The following SORCS3 variants were observed in gnomAD, a reference collection of about 807,000 sequenced individuals.
SORCS3 encodes sortilin related VPS10 domain containing receptor 3.
Under a neutral mutation model 146.3 loss-of-function variants are expected in SORCS3, and 57 were observed. The ratio of observed to expected loss-of-function variants is 0.39; its 90% confidence interval spans 0.31 to 0.49. The LOEUF (loss-of-function observed/expected upper bound fraction) is 0.49. SORCS3 is among the 20% of genes least tolerant of loss of function. The pLI is 0.92. For synonymous variants in SORCS3, 653 were observed against 618.5 expected (o/e 1.06, Z -0.83); for missense variants, 1,341 against 1,575.5 (o/e 0.85, Z 2.52).
At chr10:105,258,199 A>C (rs2056941956) in intron 25 of SORCS3, among the ~76,000 whole-genome samples, 1 of 152,190 alleles carries the variant, frequency 6.6e-6, no homozygotes, top group Non-Finnish European at 1.5e-5. Context: ...GGACAGAGTG[A>C]GATTCACCTT....
intron 20 of SORCS3, among the ~76,000 whole-genome samples, chr10:105,242,542 T>TTA (rs1456622755): frequency 4.4e-4 from 43 of 97,902 alleles, no homozygotes; most frequent in Admixed American, 1.4e-3. Flanking sequence ...TTATATATAT[T>TTA]TATATATTTA....
intron 1 of SORCS3, among the ~76,000 whole-genome samples, chr10:104,755,663 T>G (rs1054823770): frequency 1.3e-5 from 2 of 152,162 alleles, no homozygotes; most frequent in Non-Finnish European, 2.9e-5. Context: ...GAGAATGGTG[T>G]GAGCAAAAAC....
intron 2 of SORCS3, among the ~76,000 whole-genome samples, chr10:104,872,703 G>A (rs1202385250): frequency 1.3e-5 from 2 of 151,856 alleles, no homozygotes; most frequent in Non-Finnish European, 2.9e-5. Context: ...CTCCTCTGGG[G>A]ATGTCTGGGT....
intron 1 of SORCS3, among the ~76,000 whole-genome samples, chr10:104,656,192 G>A (rs2133243376): frequency 6.6e-6 from 1 of 152,200 alleles, no homozygotes; most frequent in East Asian, 1.9e-4. Context: ...AGAGGTGAGG[G>A]CATAGTGTTC....
intron 4 of SORCS3, among the ~76,000 whole-genome samples, chr10:104,986,769 A>G (rs934624949): frequency 6.6e-6 from 1 of 152,222 alleles, no homozygotes; most frequent in African/African-American, 2.4e-5. Context: ...TAGGACACAC[A>G]TATTTATGGA....
At position 104,886,509 on chromosome 10, in the gene SORCS3, C is replaced by T. The variant is rs1321270508; in HGVS notation, c.696-29324C>T. ...GTTATTTATATGTATATATATAATA[C>T]ATTACGTAAAATATATACAGTTGTG... On this transcript the variant is annotated intron_variant, in intron 2 of 26. Coordinates refer to ENST00000369701, the MANE Select transcript of SORCS3 (RefSeq NM_014978.3). Among the ~76,000 whole-genome samples the T allele has an allele frequency of 2.6e-5, 4 of 151,974 alleles. No individual in the cohort carries two copies. In the East Asian group the frequency reaches 7.7e-4, roughly 29 times the overall value.
At chr10:105,023,180 C>G (rs774595703) in intron 4 of SORCS3, among the ~76,000 whole-genome samples, 3 of 152,194 alleles carry the variant, frequency 2.0e-5, no homozygotes, top group Admixed American at 6.5e-5. Context: ...TCGCCATTCT[C>G]AAATCAACAG....
intron 2 of SORCS3, among the ~76,000 whole-genome samples, chr10:104,904,287 A>G (rs1407391078): frequency 6.6e-6 from 1 of 152,226 alleles, no homozygotes; most frequent in Non-Finnish European, 1.5e-5. Flanking sequence ...ATAATGCCCA[A>G]TGTTGCAAGC....
chr10:105,087,961 T>G (rs1468928299), intron 5 of SORCS3, among the ~76,000 whole-genome samples: 1 of 152,164 alleles, frequency 6.6e-6, no homozygotes, highest in African/African-American at 2.4e-5. Context: ...GGGCTGTCAT[T>G]AGCAGTAAAG....
chr10:105,064,270 G>A (rs964309387), intron 5 of SORCS3, among the ~76,000 whole-genome samples: 1 of 152,160 alleles, frequency 6.6e-6, no homozygotes, highest in Non-Finnish European at 1.5e-5. Context: ...GTAAAACCAA[G>A]GGATCTAGTG....
At chr10:104,691,555 C>T (rs149759680) in intron 1 of SORCS3, among the ~76,000 whole-genome samples, 221 of 152,286 alleles carry the variant, frequency 1.5e-3, no homozygotes, top group African/African-American at 5.2e-3. Context: ...CTGGGGACGA[C>T]ATTCACTTCC....
In SORCS3 at chr10:104,965,095, T is replaced by G. The variant is rs2177743; in HGVS notation, c.796-12240T>G. Among the ~76,000 whole-genome samples the G allele has an allele frequency of 5.0e-3, 762 of 152,368 alleles. 8 individuals are homozygous for G. Among genetic ancestry groups the G allele is most frequent in the African/African-American group, 0.018 (746 of 41,588 alleles). ...TTCCATTGTAGTGTATACCACATTT[T>G]GTTTATCCATTCATTCATTGATAGA... On this transcript the variant is annotated intron_variant, in intron 3 of 26. Transcript: ENST00000369701.
At chr10:105,074,319 T>A (rs909326954) in intron 5 of SORCS3, among the ~76,000 whole-genome samples, 1 of 152,172 alleles carries the variant, frequency 6.6e-6, no homozygotes, top group East Asian at 1.9e-4. Context: ...GTCTCTAGTC[T>A]CTCATTGATA....
chr10:104,659,166 T>G (rs1053065615), intron 1 of SORCS3, among the ~76,000 whole-genome samples: 2 of 152,238 alleles, frequency 1.3e-5, no homozygotes, highest in African/African-American at 4.8e-5. Context: ...CTTGATTTTA[T>G]TTTTTCCTTT....
At chr10:104,858,848 C>T (rs761549165) in intron 2 of SORCS3, among the ~76,000 whole-genome samples, 5 of 150,800 alleles carry the variant, frequency 3.3e-5, no homozygotes, top group Non-Finnish European at 5.9e-5. Context: ...GTCTTGATCT[C>T]CTGACCTCGT....
At chr10:104,827,871 T>C (rs568409677) in intron 1 of SORCS3, among the ~76,000 whole-genome samples, 1 of 152,254 alleles carries the variant, frequency 6.6e-6, no homozygotes, top group African/African-American at 2.4e-5. Flanking sequence ...TTTGTACTTG[T>C]ATGTTATGGA....
intron 3 of SORCS3, among the ~76,000 whole-genome samples, chr10:104,919,386 T>C (rs2019064387): frequency 6.6e-6 from 1 of 150,520 alleles, no homozygotes. Context: ...TTTTAGAAAA[T>C]AGCAATAGAA....
At chr10:104,802,892 A>T (rs891656471) in intron 1 of SORCS3, among the ~76,000 whole-genome samples, 2 of 152,190 alleles carry the variant, frequency 1.3e-5, no homozygotes, top group East Asian at 3.9e-4. Context: ...TTATCATGAA[A>T]CCCAGAATGC....
At chr10:104,792,208 C>T (rs957116588) in intron 1 of SORCS3, among the ~76,000 whole-genome samples, 4 of 152,158 alleles carry the variant, frequency 2.6e-5, no homozygotes, top group African/African-American at 9.7e-5. Flanking sequence ...ATTCAAAACT[C>T]AGGGCCTGGG....
Sources: gnomAD v4.1 joint callset for allele counts (sites outside exome capture counted in the v4.1 genomes callset) on GRCh38, gnomAD v4.1.1 for gene constraint, MANE v1.5 for transcripts, NCBI Gene and HGNC (gene_info 2026-07-23, HGNC 2026-07-21) for gene names.